Variants in TBC1D16 observed in about 807,000 individuals in gnomAD.
TBC1D16 encodes the protein TBC1 domain family member 16, also known as CTD-2529O21.1.
A neutral mutation model predicts 74.7 loss-of-function variants in TBC1D16; 58 were observed. The observed-to-expected ratio is 0.78, with a 90% CI of 0.63 to 0.97. The LOEUF is 0.97. TBC1D16 is among the 50% of genes least tolerant of loss of function. The pLI, the probability that TBC1D16 is intolerant of heterozygous loss-of-function variation, is 0.00. For missense variants in TBC1D16, 1,014 were observed against 1,079.5 expected (o/e 0.94, Z 0.85); for synonymous variants, 493 against 474.7 (o/e 1.04, Z -0.50).
chr17:79,989,253 C>T (rs1274935871), intron 3 of TBC1D16, among the ~76,000 whole-genome samples: 1 of 152,198 alleles, frequency 6.6e-6, no homozygotes, highest in Non-Finnish European at 1.5e-5. Flanking sequence ...GACTTAAGCA[C>T]AGCAAAGTCC....
intron 9 of TBC1D16, among the ~76,000 whole-genome samples, chr17:79,946,822 C>A (rs1459816625): frequency 6.6e-6 from 1 of 152,240 alleles, no homozygotes; most frequent in East Asian, 1.9e-4. Flanking sequence ...ACCCCACACA[C>A]CCTGGAGCTG....
rs946541991 is a variant in TBC1D16, at chr17:79,954,017, G to A, written c.780-1199C>T. 2.6e-5 allele frequency among the ~76,000 whole-genome samples: 4 copies of A among 152,050 alleles called. No homozygotes were observed. The highest frequency in any genetic ancestry group is 2.1e-4 in the South Asian group (1 of 4,820). ...CCTCCTGACCTCAGGTGATCCACCC[G>A]CCTCAGCCTCCAAAAGTGTTGGGAT... On this transcript the variant is annotated intron_variant, in intron 3 of 11. Coordinates refer to ENST00000310924, the MANE Select transcript of TBC1D16 (RefSeq NM_019020.4). This position sits in a 1 kb window ranked among gnomAD's most constrained non-coding sequence, Gnocchi z 5.5.
rs913890029 is a variant in TBC1D16, at chr17:80,008,460, G to A, written c.779+1700C>T. ...CCACAGAATCCTCAGCCCCAAGACC[G>A]TGGGCCAACCCCACCACCTCTCTGA... On this transcript the variant is annotated intron_variant, in intron 3 of 11. Transcript: ENST00000310924. This position sits in a 1 kb window ranked among gnomAD's most constrained non-coding sequence, Gnocchi z 4.5. Among the ~76,000 whole-genome samples the A allele has an allele frequency of 1.3e-5, 2 of 152,122 alleles. No homozygotes were observed. Among genetic ancestry groups the A allele is most frequent in the African/African-American group, 4.8e-5 (2 of 41,414 alleles).
rs887110898 is a variant in TBC1D16 at position 79,986,994 on chromosome 17, C to G, written c.779+23166G>C. On this transcript the variant is annotated intron_variant, in intron 3 of 11. Coordinates refer to ENST00000310924, the MANE Select transcript of TBC1D16 (RefSeq NM_019020.4). The surrounding 1 kb of genome is among the most constrained non-coding windows in gnomAD (Gnocchi z 6.0). ...ATCCATCTGGGATATGTTTTGTTTC[C>G]ACAGAGGGACCCTGAATTTTGAGGT... 6.6e-6 allele frequency among the ~76,000 whole-genome samples: 1 copy of G among 152,332 alleles called. No individual in the cohort carries two copies.
rs140818121 is a variant in TBC1D16, at chr17:79,979,234, G to A, written c.780-26416C>T. 3.0e-3 allele frequency among the ~76,000 whole-genome samples: 455 copies of A among 152,066 alleles called. 1 individual carries two copies. The highest frequency in any genetic ancestry group is 6.8e-3 in the Middle Eastern group (2 of 292). ...ACACGCTCCGGGGACGCACACCCACGCCTAGAGCACACACGCTCCGGGGAT... is the reference window on the plus strand; with the variant it reads ...ACACGCTCCGGGGACGCACACCCACACCTAGAGCACACACGCTCCGGGGAT... On this transcript the variant is annotated intron_variant, in intron 3 of 11. Coordinates refer to ENST00000310924, the MANE Select transcript of TBC1D16 (RefSeq NM_019020.4). The surrounding 1 kb of genome is among the most constrained non-coding windows in gnomAD (Gnocchi z 4.8).
rs1483400225 is a variant in TBC1D16 at position 79,975,751 on chromosome 17, C to G, written c.780-22933G>C. 6.6e-6 allele frequency among the ~76,000 whole-genome samples: 1 copy of G among 152,224 alleles called. No individual in the cohort carries two copies. The highest frequency in any genetic ancestry group is 2.4e-5 in the African/African-American group (1 of 41,462). The stretch of plus-strand genomic sequence containing the variant: ...TGTCGCTGGCTGCCCACTAACGCTC[C>G]CAGCAGCCCTTAGTACAATACAAAT... On this transcript the variant is annotated intron_variant, in intron 3 of 11. Transcript: ENST00000310924. The surrounding 1 kb of genome is among the most constrained non-coding windows in gnomAD (Gnocchi z 4.5).
chr17:79,932,856 T>C lies in TBC1D16; in HGVS notation c.*8003A>G, dbSNP rs2031341377. On this transcript the variant is annotated 3_prime_UTR_variant, in exon 12 of 12. Coordinates refer to ENST00000310924, the MANE Select transcript of TBC1D16 (RefSeq NM_019020.4). ...CCTAATTTCAACATCCAGATGTCAATTCAGAAAATTATTATATCATTCTAA... is the reference window on the plus strand; with the variant it reads ...CCTAATTTCAACATCCAGATGTCAACTCAGAAAATTATTATATCATTCTAA... The C allele has an allele frequency of 1.3e-5, 2 of 152,226 alleles. No homozygotes were observed. The highest frequency in any genetic ancestry group is 2.9e-5 in the Non-Finnish European group (2 of 68,050). The allele number at this position is 152,226 out of a possible 1,614,324, so 9.4% of individuals were successfully genotyped here.
Position 79,935,773 on chromosome 17 carries a change from A to C in TBC1D16, c.*5086T>G, listed in dbSNP as rs2031547583. ...TAAAAACCAAAACAAAACAAAACAA[A>C]ATACCAAGAACAGATCACTTGCCAT... On this transcript the variant is annotated 3_prime_UTR_variant, in exon 12 of 12. Transcript: ENST00000310924. 1 of 152,238 alleles carries C rather than the reference A, an allele frequency of 6.6e-6. No individual in the cohort carries two copies. Among genetic ancestry groups the C allele is most frequent in the Admixed American group, 6.5e-5 (1 of 15,288 alleles). 9.4% of individuals were successfully genotyped at this position (152,238 alleles called of 1,614,324 possible). A position where few individuals can be genotyped will look rare whatever the true frequency, so the allele number is the denominator to read the frequency against.
chr17:80,031,231 G>T (rs1280542137), intron 1 of TBC1D16, among the ~76,000 whole-genome samples: 1 of 152,224 alleles, frequency 6.6e-6, no homozygotes, highest in Non-Finnish European at 1.5e-5. Flanking sequence ...ATCCCCTGCG[G>T]GGCCGCCGTG....
Position 80,010,014 on chromosome 17 carries a change from G to T in TBC1D16, c.779+146C>A. The T allele has an allele frequency of 1.4e-6, 1 of 692,986 alleles. No individual in the cohort carries two copies. Among genetic ancestry groups the T allele is most frequent in the Non-Finnish European group, 2.4e-6 (1 of 421,366 alleles). The allele number at this position is 692,986 out of a possible 1,614,324, so 42.9% of individuals were successfully genotyped here. A position where few individuals can be genotyped will look rare whatever the true frequency, so the allele number is the denominator to read the frequency against. Reference sequence around the variant, plus strand: ...GCCCTTGCCTCAGGGAGGGGCTCCTGCCACAGCCACGGCCACAGCCGCGGG... The same window carrying T: ...GCCCTTGCCTCAGGGAGGGGCTCCTTCCACAGCCACGGCCACAGCCGCGGG... On this transcript the variant is annotated intron_variant, in intron 3 of 11. Transcript: ENST00000310924. The surrounding 1 kb of genome is among the most constrained non-coding windows in gnomAD (Gnocchi z 8.8).
rs531904220 is a variant in TBC1D16 at position 79,983,140 on chromosome 17, G to C, written c.779+27020C>G. 2.5e-3 allele frequency among the ~76,000 whole-genome samples: 379 copies of C among 152,342 alleles called. 2 individuals are homozygous for C. Among genetic ancestry groups the C allele is most frequent in the African/African-American group, 8.7e-3 (361 of 41,574 alleles). On this transcript the variant is annotated intron_variant, in intron 3 of 11. Coordinates refer to ENST00000310924, the MANE Select transcript of TBC1D16 (RefSeq NM_019020.4). The surrounding 1 kb of genome is among the most constrained non-coding windows in gnomAD (Gnocchi z 5.6). ...GTCCATGGAAGGGGCATGGGCAAGT[G>C]AAATGCTACGTCCCTCACCAACAGG...
intron 1 of TBC1D16, among the ~76,000 whole-genome samples, chr17:80,017,927 C>T (rs1300451951): frequency 2.6e-5 from 4 of 152,124 alleles, no homozygotes; most frequent in African/African-American, 4.8e-5. Context: ...AACCAAGTGA[C>T]GAAACTTAAT....
At chr17:79,991,129 T>C (rs999583876) in intron 3 of TBC1D16, among the ~76,000 whole-genome samples, 1 of 152,208 alleles carries the variant, frequency 6.6e-6, no homozygotes, top group Non-Finnish European at 1.5e-5. Context: ...TGAAATAATT[T>C]TGACAAGCAA....
chr17:80,016,244 G>A (rs1049858539), intron 1 of TBC1D16, among the ~76,000 whole-genome samples: 3 of 151,832 alleles, frequency 2.0e-5, no homozygotes, highest in Non-Finnish European at 4.4e-5. Flanking sequence ...GTGGAATGGT[G>A]GGTGCCAGGG....
chr17:80,000,889 G>C lies in TBC1D16; in HGVS notation c.779+9271C>G, dbSNP rs2035460536. On this transcript the variant is annotated intron_variant, in intron 3 of 11. Coordinates refer to ENST00000310924, the MANE Select transcript of TBC1D16 (RefSeq NM_019020.4). This position sits in a 1 kb window ranked among gnomAD's most constrained non-coding sequence, Gnocchi z 4.1. ...TCACTTACAGGCCTCACCCAACCAA[G>C]CCCGCCAGCCCCTTCTCTGCCTAGA... Among the ~76,000 whole-genome samples, 1 of 152,182 alleles carries C rather than the reference G, an allele frequency of 6.6e-6. No individual in the cohort carries two copies. The highest frequency in any genetic ancestry group is 1.5e-5 in the Non-Finnish European group (1 of 68,036).
rs1482175993 is a variant in TBC1D16, at chr17:79,993,505, T to C, written c.779+16655A>G. On this transcript the variant is annotated intron_variant, in intron 3 of 11. Transcript: ENST00000310924. This position sits in a 1 kb window ranked among gnomAD's most constrained non-coding sequence, Gnocchi z 5.1. ...AAGAGCCACGTGAAAATGCCCTTTC[T>C]GTTTACTCTGCTGGGAAGGATATGA... The C allele has an allele frequency of 6.6e-6, 1 of 152,258 alleles. No homozygotes were observed. The highest frequency in any genetic ancestry group is 1.5e-5 in the Non-Finnish European group (1 of 68,070). The allele number at this position is 152,258 out of a possible 1,614,324, so 9.4% of individuals were successfully genotyped here. A position where few individuals can be genotyped will look rare whatever the true frequency, so the allele number is the denominator to read the frequency against.
In TBC1D16 at chr17:80,013,378, TC is replaced by T; in HGVS notation, c.169del (p.Glu57SerfsTer78). On this transcript the variant is annotated frameshift_variant, in exon 2 of 12. Transcript: ENST00000310924. LOFTEE classifies it high-confidence loss of function. ...CTGCCCTGGCTCACCTGGGTGGTGC[TC>T]CCCCAGCCCCTGCAGCCCCTCCGGC... ...HPPEGLQGLG[E>X]HHPGYLCLYM... is the part of the protein sequence containing the mutation. The T allele has an allele frequency of 6.2e-7, 1 of 1,604,402 alleles. No homozygotes were observed. The highest frequency in any genetic ancestry group is 8.5e-7 in the Non-Finnish European group (1 of 1,176,182).
In TBC1D16 at chr17:79,961,438, T is replaced by C. The variant is rs151202041; in HGVS notation, c.780-8620A>G. Among the ~76,000 whole-genome samples the C allele has an allele frequency of 2.5e-3, 381 of 152,388 alleles. 1 individual carries two copies. Among genetic ancestry groups the C allele is most frequent in the African/African-American group, 7.6e-3 (315 of 41,600 alleles). On this transcript the variant is annotated intron_variant, in intron 3 of 11. Transcript: ENST00000310924. The surrounding 1 kb of genome is among the most constrained non-coding windows in gnomAD (Gnocchi z 4.8). ...AAACCACTTTAGGAAAGCAGTTCAG[T>C]AATTTCTTAAAAATTAAACACATGC...
intron 3 of TBC1D16, among the ~76,000 whole-genome samples, chr17:79,973,667 G>A (rs936326644): frequency 2.0e-5 from 3 of 149,898 alleles, no homozygotes; most frequent in Non-Finnish European, 3.0e-5. Context: ...CCAAGATCAC[G>A]CCACTGCACT....
Sources: gnomAD v4.1 joint callset for allele counts (sites outside exome capture counted in the v4.1 genomes callset) on GRCh38, gnomAD v4.1.1 for gene constraint, Gnocchi (gnomAD v3.1) non-coding constraint, MANE v1.5 for transcripts, NCBI Gene and HGNC (gene_info 2026-07-23, HGNC 2026-07-21) for gene names.